PLD5: variants seen among roughly 807,000 people sequenced by gnomAD.
PLD5 encodes phospholipase D family member 5.
PLD5 carries 36 observed loss-of-function variants against 61.1 expected under a neutral mutation model. The observed-to-expected ratio is 0.59, with a 90% confidence interval of 0.45 to 0.78. The LOEUF is 0.78. Ranked by LOEUF, PLD5 falls within the 30% of genes least tolerant of loss-of-function variation. The pLI is 0.00. For synonymous variants in PLD5, 243 were observed against 242.8 expected (o/e 1.00, Z -0.01); for missense variants, 515 against 644.4 (o/e 0.80, Z 2.17).
At chr1:242,350,449 A>T (rs866999126) in intron 1 of PLD5, among the ~76,000 whole-genome samples, 1 of 116,984 alleles carries the variant, frequency 8.5e-6, no homozygotes, top group Non-Finnish European at 1.9e-5. Flanking sequence ...ACACACACAC[A>T]CACACACACA....
At position 242,184,447 on chromosome 1, in the gene PLD5, C is replaced by T. The variant is rs180966366; in HGVS notation, c.735+35541G>A. Among the ~76,000 whole-genome samples, 55 of 152,034 alleles carry T rather than the reference C, an allele frequency of 3.6e-4. No homozygotes were observed. The East Asian group carries it at 7.6e-3, about 21-fold the overall frequency. On this transcript the variant is annotated intron_variant, in intron 5 of 9. Transcript: ENST00000536534. ...TCAACCAGGCTGGAGTGCAGTGGCG[C>T]GATCTCCACCTGCTGGGTTCAAGCA...
intron 5 of PLD5, among the ~76,000 whole-genome samples, chr1:242,152,357 A>T (rs779315612): frequency 4.6e-5 from 7 of 151,528 alleles, no homozygotes; most frequent in Non-Finnish European, 1.0e-4. Context: ...TAATGTCCCT[A>T]TTTTTTTTCT....
intron 1 of PLD5, among the ~76,000 whole-genome samples, chr1:242,422,296 C>A (rs1208204712): frequency 6.6e-6 from 1 of 152,172 alleles, no homozygotes; most frequent in African/African-American, 2.4e-5. Context: ...GGCTGGTGTA[C>A]CCCATCTATC....
rs539681364 is a variant in PLD5 at position 242,417,242 on chromosome 1, G to C, written c.190-69000C>G. On this transcript the variant is annotated intron_variant, in intron 1 of 9. Transcript: ENST00000536534. ...AGGTAGGAGGTGGGACTAAACTCAG[G>C]GGGCAAGACTCAACTGCAGAGGCAG... 9.2e-5 allele frequency among the ~76,000 whole-genome samples: 14 copies of C among 152,270 alleles called. 1 individual carries two copies. Among genetic ancestry groups the C allele is most frequent in the African/African-American group, 3.4e-4 (14 of 41,542 alleles).
intron 3 of PLD5, among the ~76,000 whole-genome samples, chr1:242,287,484 T>A (rs1675093584): frequency 6.6e-6 from 1 of 152,222 alleles, no homozygotes; most frequent in Non-Finnish European, 1.5e-5. Context: ...TTTTTGTTTT[T>A]TGTTTTTATT....
chr1:242,164,920 C>T (rs695021), intron 5 of PLD5, among the ~76,000 whole-genome samples: 127,825 of 152,110 alleles, frequency 0.84, 54,205 homozygotes, highest in African/African-American at 0.95. Context: ...GCAAATTGTT[C>T]ATAACCTTCC....
At chr1:242,341,106 G>A (rs1348268428) in intron 2 of PLD5, among the ~76,000 whole-genome samples, 1 of 152,060 alleles carries the variant, frequency 6.6e-6, no homozygotes, top group African/African-American at 2.4e-5. Context: ...AAAGCTTGCT[G>A]TTGCCAAAAA....
At chr1:242,442,372 T>G (rs1666316733) in intron 1 of PLD5, among the ~76,000 whole-genome samples, 1 of 152,236 alleles carries the variant, frequency 6.6e-6, no homozygotes. Flanking sequence ...TGCCTCAAGA[T>G]TTCCATCTAC....
intron 1 of PLD5, among the ~76,000 whole-genome samples, chr1:242,486,656 T>C (rs930292118): frequency 3.3e-5 from 5 of 152,182 alleles, no homozygotes; most frequent in Non-Finnish European, 5.9e-5. Flanking sequence ...AGTGTGGCGA[T>C]TCCTCAGGGA....
At chr1:242,230,873 T>TC (rs1671255748) in intron 4 of PLD5, among the ~76,000 whole-genome samples, 1 of 152,210 alleles carries the variant, frequency 6.6e-6, no homozygotes. Flanking sequence ...AAGAGTTGTC[T>TC]CTTCCCTGTC....
chr1:242,102,076 G>A (rs1344761607), intron 8 of PLD5, among the ~76,000 whole-genome samples: 1 of 152,154 alleles, frequency 6.6e-6, no homozygotes, highest in Non-Finnish European at 1.5e-5. Flanking sequence ...ACCTGTGAAT[G>A]TTCTTAAGTC....
At chr1:242,117,386 ATTT>A (rs35814106) in intron 6 of PLD5, among the ~76,000 whole-genome samples, 2 of 148,846 alleles carry the variant, frequency 1.3e-5, no homozygotes, top group African/African-American at 2.5e-5. Flanking sequence ...TCCTCCATGA[ATTT>A]TTTTTTTTTT....
At chr1:242,376,454 T>C (rs1326520388) in intron 1 of PLD5, among the ~76,000 whole-genome samples, 1 of 152,164 alleles carries the variant, frequency 6.6e-6, no homozygotes, top group Non-Finnish European at 1.5e-5. Context: ...GACCCACAAT[T>C]ACTTACTATT....
chr1:242,107,913 A>T, intron 7 of PLD5, 74 bp from the exon 8 acceptor site: 1 of 1,353,336 alleles, frequency 7.4e-7, no homozygotes, highest in South Asian at 1.4e-5. Flanking sequence ...GACAGCATAG[A>T]ACATTGATAT....
At chr1:242,222,021 G>A (rs1670622333) in intron 4 of PLD5, among the ~76,000 whole-genome samples, 1 of 152,120 alleles carries the variant, frequency 6.6e-6, no homozygotes, top group Admixed American at 6.5e-5. Context: ...ATGCAGGGAA[G>A]CATCCTTCCT....
At chr1:242,523,181 A>G (rs1389091819) in intron 1 of PLD5, among the ~76,000 whole-genome samples, 3 of 152,248 alleles carry the variant, frequency 2.0e-5, no homozygotes, top group East Asian at 1.9e-4. Flanking sequence ...AGCAGACTCA[A>G]TTTGGATTCT....
chr1:242,407,561 GTTTT>G (rs58679212), intron 1 of PLD5, among the ~76,000 whole-genome samples: 2 of 130,320 alleles, frequency 1.5e-5, no homozygotes, highest in African/African-American at 2.9e-5. Context: ...TGGTTGTTTT[GTTTT>G]TTTTTTTTTT....
chr1:242,303,299 C>T (rs762921070), intron 2 of PLD5, among the ~76,000 whole-genome samples: 23 of 152,232 alleles, frequency 1.5e-4, no homozygotes, highest in Non-Finnish European at 3.2e-4. Context: ...CCGTCTCTCT[C>T]AGCCCATTGC....
chr1:242,231,147 C>G (rs1045565804), intron 4 of PLD5, among the ~76,000 whole-genome samples: 2 of 152,202 alleles, frequency 1.3e-5, no homozygotes. Flanking sequence ...TACAGTGGCT[C>G]ATTAGTTCTA....
Sources: gnomAD v4.1 joint callset for allele counts (sites outside exome capture counted in the v4.1 genomes callset) on GRCh38, gnomAD v4.1.1 for gene constraint, MANE v1.5 for transcripts, NCBI Gene and HGNC (gene_info 2026-07-23, HGNC 2026-07-21) for gene names.